UBIAD1: variants seen among roughly 807,000 people sequenced by gnomAD.
The protein encoded by UBIAD1 is UbiA prenyltransferase domain containing 1, also known as ubiA prenyltransferase domain-containing protein 1.
UBIAD1 carries 12 observed loss-of-function variants against 20.1 expected under a neutral mutation model. The ratio of observed to expected loss-of-function variants is 0.60; its 90% CI spans 0.38 to 0.97. The LOEUF is 0.97. Ranked by LOEUF, UBIAD1 falls within the 50% of genes least tolerant of loss-of-function variation. UBIAD1 has a pLI of 0.00. For synonymous variants in UBIAD1, 207 were observed against 189.2 expected, an observed-to-expected ratio of 1.09 and a Z score of -0.77; for missense variants, 333 against 419.5, an observed-to-expected ratio of 0.79 and a Z score of 1.80.
chr1:11,298,006 G>T (rs1239811485), downstream of UBIAD1, among the ~76,000 whole-genome samples: 2 of 151,840 alleles, frequency 1.3e-5, no homozygotes, highest in Non-Finnish European at 2.9e-5. This position sits in a 1 kb window ranked among gnomAD's most constrained non-coding sequence, Gnocchi z 4.0. Context: ...TGTTGCCCAG[G>T]CTGAAGTGCA....
chr1:11,291,789 G>C (rs1241335814), downstream of UBIAD1, among the ~76,000 whole-genome samples: 1 of 152,058 alleles, frequency 6.6e-6, no homozygotes, highest in Admixed American at 6.6e-5. Flanking sequence ...ATCTTGTCCT[G>C]AATGCGGTTG....
In UBIAD1 at chr1:11,294,765, G is replaced by T. The variant is rs1569913279; in HGVS notation, c.530-108G>T. On this transcript the variant is annotated intron_variant, in intron 1 of 1. Transcript: ENST00000376804. Reference sequence around the variant, plus strand: ...AGTCTGCCCATCCCCAGATAATGGAGAGTGGCTCCTGCCTACCCACGATGA... The same window carrying T: ...AGTCTGCCCATCCCCAGATAATGGATAGTGGCTCCTGCCTACCCACGATGA... 7.0e-6 allele frequency: 5 copies of T among 715,976 alleles called. No individual in the cohort carries two copies. In the East Asian group the frequency reaches 1.3e-4, roughly 19 times the overall value. The allele number at this position is 715,976 out of a possible 1,614,324, so 44.4% of individuals were successfully genotyped here.
At chr1:11,294,641 C>T (rs1638419984) in intron 1 of UBIAD1, among the ~76,000 whole-genome samples, 1 of 152,182 alleles carries the variant, frequency 6.6e-6, no homozygotes, top group Non-Finnish European at 1.5e-5. Context: ...TGGCTGGTGG[C>T]ATTCCTACCA....
intron 1 of UBIAD1, among the ~76,000 whole-genome samples, chr1:11,283,392 G>A (rs1263001688): frequency 6.6e-6 from 1 of 152,122 alleles, no homozygotes; most frequent in Non-Finnish European, 1.5e-5. Flanking sequence ...TCCCTTAAAT[G>A]TGTGAGATAT....
In UBIAD1 at chr1:11,273,860, G is replaced by T. The variant is rs1651885129; in HGVS notation, c.329G>T (p.Gly110Val). 1 of 1,614,096 alleles carries T rather than the reference G, an allele frequency of 6.2e-7. No individual in the cohort carries two copies. The highest frequency in any genetic ancestry group is 1.3e-5 in the African/African-American group (1 of 74,930). The change falls in exon 1 of 2, where the codon GGC becomes GTC. Residue 110 changes from glycine (G) to valine (V), a missense_variant. By Grantham distance (109) the Gly-to-Val change is moderately radical. Coordinates refer to ENST00000376810, the MANE Select transcript of UBIAD1 (RefSeq NM_013319.3). This position sits in a 1 kb window ranked among gnomAD's most constrained non-coding sequence, Gnocchi z 4.9. Reference protein sequence around the residue: ...LVNTYYDFSKGIDHKKSDDRT... With the variant: ...LVNTYYDFSKVIDHKKSDDRT... ...AACACTTACTATGACTTTTCCAAGG[G>T]CATTGACCACAAAAAGAGTGATGAC...
intron 1 of UBIAD1, among the ~76,000 whole-genome samples, chr1:11,274,321 C>T (rs1375246243): frequency 2.0e-5 from 3 of 152,190 alleles, no homozygotes; most frequent in East Asian, 1.9e-4. Flanking sequence ...ATTTTTGAGA[C>T]GGAGTCTCGC....
intron 1 of UBIAD1, among the ~76,000 whole-genome samples, chr1:11,277,488 T>A (rs552183117): frequency 8.6e-5 from 13 of 151,674 alleles, no homozygotes; most frequent in Admixed American, 2.6e-4. Flanking sequence ...GCCAGGCTGG[T>A]CTCTCTAACT....
Position 11,285,950 on chromosome 1 carries a change from G to T in UBIAD1, c.836G>T (p.Cys279Phe), listed in dbSNP as rs1259314780. ...GTCTTCAGCATCCTGGCCACACACT[G>T]CACCATCAGCCTGGCACTCCCCCTG... ...YLVFSILATHCTISLALPLLT... is the reference protein window; with the variant it reads ...YLVFSILATHFTISLALPLLT... The change falls in exon 2 of 2, where the codon TGC becomes TTC. Residue 279 changes from cysteine to phenylalanine, a missense_variant. By Grantham distance (205) the Cys-to-Phe change is radical. Around this residue, in one of 3 missense-constraint regions of UBIAD1, gnomAD observed 226 missense variants for 263.5 expected, o/e 0.86. Transcript: ENST00000376810. This position sits in a 1 kb window ranked among gnomAD's most constrained non-coding sequence, Gnocchi z 4.4. The T allele has an allele frequency of 6.2e-7, 1 of 1,614,156 alleles. No homozygotes were observed. Among genetic ancestry groups the T allele is most frequent in the Non-Finnish European group, 8.5e-7 (1 of 1,180,030 alleles).
intron 1 of UBIAD1, among the ~76,000 whole-genome samples, chr1:11,274,598 G>C (rs1651935511): frequency 6.9e-6 from 1 of 144,804 alleles, no homozygotes; most frequent in African/African-American, 2.6e-5. Context: ...CGCCCTGTCA[G>C]GACATTTTTT....
Position 11,273,342 on chromosome 1 carries a change from C to T in UBIAD1, c.-190C>T, listed in dbSNP as rs1003332756. 6.1e-6 allele frequency: 4 copies of T among 651,184 alleles called. No individual in the cohort carries two copies. Among genetic ancestry groups the T allele is most frequent in the African/African-American group, 3.6e-5 (2 of 54,992 alleles). 40.3% of individuals were successfully genotyped at this position (651,184 alleles called of 1,614,324 possible). A position where few individuals can be genotyped will look rare whatever the true frequency, so the allele number is the denominator to read the frequency against. On this transcript the variant is annotated 5_prime_UTR_variant, in exon 1 of 2. Coordinates refer to ENST00000376810, the MANE Select transcript of UBIAD1 (RefSeq NM_013319.3). The surrounding 1 kb of genome is among the most constrained non-coding windows in gnomAD (Gnocchi z 4.9). ...CCCAGGTGACGGGTAGTAGGGGCGG[C>T]GCCGCTTGGCCTCGTGGGGTGTAAG... is the stretch of plus-strand genomic sequence containing the variant.
In UBIAD1 at chr1:11,281,571, T is replaced by C. The variant is rs1343284011; in HGVS notation, c.530-4073T>C. 2.0e-5 allele frequency among the ~76,000 whole-genome samples: 3 copies of C among 152,236 alleles called. No individual in the cohort carries two copies. The East Asian group carries it at 5.8e-4, about 29-fold the overall frequency. On this transcript the variant is annotated intron_variant, in intron 1 of 1. Coordinates refer to ENST00000376810, the MANE Select transcript of UBIAD1 (RefSeq NM_013319.3). ...TTAAACATTGTCTTTTATTGACATATAATTGACACACAGTGAAATGCACAG... is the reference window on the plus strand; with the variant it reads ...TTAAACATTGTCTTTTATTGACATACAATTGACACACAGTGAAATGCACAG...
In UBIAD1 at chr1:11,285,849, C is replaced by T. The variant is rs369349225; in HGVS notation, c.735C>T (p.Ile245=). ...RDMESDREAG[I]VTLAILIGPT... ...TGGAGTCCGACCGGGAGGCTGGTAT[C>T]GTCACGCTGGCCATCCTCATCGGCC... Residue 245 remains isoleucine (I), a synonymous_variant, in exon 2 of 2, where the codon ATC becomes ATT. Transcript: ENST00000376810. This position sits in a 1 kb window ranked among gnomAD's most constrained non-coding sequence, Gnocchi z 4.4. 12 of 1,614,100 alleles carry T rather than the reference C, an allele frequency of 7.4e-6. No individual in the cohort carries two copies. The highest frequency in any genetic ancestry group is 1.6e-4 in the Middle Eastern group (1 of 6,084).
In UBIAD1 at chr1:11,281,432, A is replaced by C. The variant is rs139360140; in HGVS notation, c.530-4212A>C. On this transcript the variant is annotated intron_variant, in intron 1 of 1. Coordinates refer to ENST00000376810, the MANE Select transcript of UBIAD1 (RefSeq NM_013319.3). ...TGTCTCTGGTATTAGCTGAACCCCT[A>C]GCACCCAGAGCACTGCCTGGCATGT... Among the ~76,000 whole-genome samples, 1,186 of 152,322 alleles carry C rather than the reference A, an allele frequency of 7.8e-3. 21 individuals are homozygous for C. The highest frequency in any genetic ancestry group is 0.026 in the African/African-American group (1,088 of 41,556).
chr1:11,281,456 G>A (rs114206186), intron 1 of UBIAD1, among the ~76,000 whole-genome samples: 2 of 152,306 alleles, frequency 1.3e-5, no homozygotes, highest in African/African-American at 4.8e-5. Flanking sequence ...TGCCTGGCAT[G>A]TAATATTACT....
chr1:11,288,674 A>T (rs183047101), downstream of UBIAD1, among the ~76,000 whole-genome samples: 1 of 152,304 alleles, frequency 6.6e-6, no homozygotes, highest in East Asian at 1.9e-4. Context: ...TTGTGAGGCC[A>T]AGGTGAGAGG....
At chr1:11,275,641 G>A (rs1287072592) in intron 1 of UBIAD1, among the ~76,000 whole-genome samples, 1 of 152,178 alleles carries the variant, frequency 6.6e-6, no homozygotes, top group South Asian at 2.1e-4. Context: ...CTACTTTGGA[G>A]GCTGAGGCGG....
intron 1 of UBIAD1, among the ~76,000 whole-genome samples, chr1:11,280,299 AGTTG>A (rs1326700848): frequency 6.6e-6 from 1 of 152,168 alleles, no homozygotes; most frequent in Non-Finnish European, 1.5e-5. Flanking sequence ...CATGAGACAC[AGTTG>A]GTGAGTTAGG....
At chr1:11,277,056 G>A (rs1424997161) in intron 1 of UBIAD1, among the ~76,000 whole-genome samples, 1 of 151,852 alleles carries the variant, frequency 6.6e-6, no homozygotes, top group African/African-American at 2.4e-5. Flanking sequence ...GGCCAGCATG[G>A]TGAAACCCCA....
At chr1:11,282,970 T>G (rs1295045229) in intron 1 of UBIAD1, among the ~76,000 whole-genome samples, 1 of 145,766 alleles carries the variant, frequency 6.9e-6, no homozygotes, top group Admixed American at 6.8e-5. Context: ...AAGCGGTTCT[T>G]CTGCCTCAGC....
Sources: gnomAD v4.1 joint callset for allele counts (sites outside exome capture counted in the v4.1 genomes callset) on GRCh38, gnomAD v4.1.1 for gene constraint, gnomAD v4.1.1 regional missense constraint, Gnocchi (gnomAD v3.1) non-coding constraint, MANE v1.5 for transcripts, NCBI Gene and HGNC (gene_info 2026-07-23, HGNC 2026-07-21) for gene names.